SNX8: variants seen among roughly 807,000 people sequenced by gnomAD.
SNX8 encodes the protein sorting nexin 8, also known as sorting nexin-8.
In SNX8, 25 loss-of-function variants were observed where a neutral mutation model predicts 51.6. The ratio of observed to expected loss-of-function variants is 0.48; its 90% CI spans 0.35 to 0.68. SNX8 has a LOEUF of 0.68. Ranked by LOEUF, SNX8 falls within the 30% of genes least tolerant of loss-of-function variation. SNX8 has a pLI of 0.00. For synonymous variants in SNX8, 324 were observed against 277.0 expected (o/e 1.17, Z -1.68); for missense variants, 695 against 624.0 (o/e 1.11, Z -1.21).
Position 2,254,190 on chromosome 7 carries a change from A to C in SNX8, c.*866T>G, listed in dbSNP as rs1289560087. The C allele has an allele frequency of 6.6e-6, 1 of 152,292 alleles. No individual in the cohort carries two copies. Among genetic ancestry groups the C allele is most frequent in the Non-Finnish European group, 1.5e-5 (1 of 68,128 alleles). The allele number at this position is 152,292 out of a possible 1,614,324, so 9.4% of individuals were successfully genotyped here. Reference sequence around the variant, plus strand: ...GCCTCAGAGAAGGAAATCCACTTAAAAGGGGGCTGTCCCTCCTCTAAAGCC... The same window carrying C: ...GCCTCAGAGAAGGAAATCCACTTAACAGGGGGCTGTCCCTCCTCTAAAGCC... On this transcript the variant is annotated 3_prime_UTR_variant, in exon 11 of 11. Transcript: ENST00000222990.
intron 10 of SNX8, among the ~76,000 whole-genome samples, 184 bp from the exon 11 acceptor site, chr7:2,255,353 G>T (rs1432354706): frequency 1.3e-5 from 2 of 152,188 alleles, no homozygotes; most frequent in Admixed American, 1.3e-4. Context: ...ATGAGGAGTG[G>T]ACCAGCGACA....
chr7:2,301,462 G>A (rs545695157), intron 1 of SNX8, among the ~76,000 whole-genome samples: 61 of 152,318 alleles, frequency 4.0e-4, no homozygotes, highest in Admixed American at 1.9e-3. Context: ...GCAGCAGCAC[G>A]CACAGCAGCA....
rs1452374431 is a variant in SNX8, at chr7:2,275,126, T to C, written c.404A>G (p.Lys135Arg). 3 of 1,612,358 alleles carry C rather than the reference T, an allele frequency of 1.9e-6. No individual in the cohort carries two copies. The Admixed American group carries it at 5.0e-5, about 27-fold the overall frequency. The change falls in exon 3 of 11, where the codon AAG (lysine) becomes AGG (arginine). Residue 135 changes from lysine to arginine, a missense_variant. Physicochemically the swap from Lys to Arg is conservative, Grantham distance 26. Transcript: ENST00000222990. ...CCTGGCTTTACCTCCCAGCATTCTC[T>C]TGGGTGGCAGGGCAGGCACCATACG... ...PYRMVPALPP[K>R]RMLGADREFI...
chr7:2,302,190 T>G (rs1796410750), intron 1 of SNX8, among the ~76,000 whole-genome samples: 1 of 152,236 alleles, frequency 6.6e-6, no homozygotes, highest in Non-Finnish European at 1.5e-5. Flanking sequence ...CTCGGCTCAC[T>G]GCAACCTCCC....
At chr7:2,281,100 C>CATATT (rs1316088227) in intron 1 of SNX8, among the ~76,000 whole-genome samples, 5 of 151,844 alleles carry the variant, frequency 3.3e-5, no homozygotes, top group African/African-American at 4.8e-5. Context: ...GCCAGATGCC[C>CATATT]ATATTTGCAA....
In SNX8 at chr7:2,349,314, G is replaced by A. The variant is rs892019847; in HGVS notation, c.-66+4908C>T. On this transcript the variant is annotated intron_variant, in intron 1 of 5. Coordinates refer to the SNX8 transcript ENST00000435336. ...AAAGCATATGGTATATTGGCATAAA[G>A]CATGTTCACACTGACGCAGCCATCA... Among the ~76,000 whole-genome samples, 19 of 152,046 alleles carry A rather than the reference G, an allele frequency of 1.2e-4. No individual in the cohort carries two copies. In the East Asian group the frequency reaches 3.5e-3, roughly 28 times the overall value.
At chr7:2,326,626 A>C (rs1778627103) in intron 1 of SNX8, among the ~76,000 whole-genome samples, 1 of 152,088 alleles carries the variant, frequency 6.6e-6, no homozygotes, top group Non-Finnish European at 1.5e-5. Flanking sequence ...AGATCACGCC[A>C]CTGCACTCCA....
intron 1 of SNX8, among the ~76,000 whole-genome samples, chr7:2,325,480 T>C (rs1377425167): frequency 6.6e-6 from 1 of 152,088 alleles, no homozygotes; most frequent in African/African-American, 2.4e-5. Flanking sequence ...ACAAACAGAC[T>C]CTTGGTAACA....
chr7:2,327,430 C>G (rs1451146010), intron 1 of SNX8, among the ~76,000 whole-genome samples: 1 of 149,708 alleles, frequency 6.7e-6, no homozygotes, highest in Admixed American at 6.7e-5. Flanking sequence ...TTTTTGGAAA[C>G]GGAGTCTCGC....
At chr7:2,309,377 T>C (rs1584729632) in intron 1 of SNX8, among the ~76,000 whole-genome samples, 2 of 152,246 alleles carry the variant, frequency 1.3e-5, no homozygotes, top group South Asian at 2.1e-4. Context: ...AATACAAAAA[T>C]TAGCCAGGTG....
At chr7:2,325,787 G>T (rs368870824) in intron 1 of SNX8, among the ~76,000 whole-genome samples, 1 of 151,906 alleles carries the variant, frequency 6.6e-6, no homozygotes, top group East Asian at 1.9e-4. Context: ...AGCCAAGATC[G>T]TGCCACTGCA....
At position 2,284,344 on chromosome 7, in the gene SNX8, C is replaced by T. The variant is rs115513963; in HGVS notation, c.95-6039G>A. 3.6e-3 allele frequency among the ~76,000 whole-genome samples: 541 copies of T among 151,908 alleles called. 5 individuals are homozygous for T. Among genetic ancestry groups the T allele is most frequent in the African/African-American group, 0.012 (509 of 41,432 alleles). ...GGAATTCGATCCCTTGTCCTGACCC[C>T]GCCCCCGAAGTAGAATGGAAATCAG... is the stretch of plus-strand genomic sequence containing the variant. On this transcript the variant is annotated intron_variant, in intron 1 of 10. Coordinates refer to ENST00000222990, the MANE Select transcript of SNX8 (RefSeq NM_013321.4).
In SNX8 at chr7:2,329,551, C is replaced by T. The variant is rs551674468; in HGVS notation, c.-66+24671G>A. ...GGGCAGCCTCTGACCTTCTCCTGGT[C>T]TCCTTTTGCCTGCCCCAGGGCAGGA... On this transcript the variant is annotated intron_variant, in intron 1 of 5. Coordinates refer to the SNX8 transcript ENST00000435336. 1.6e-4 allele frequency among the ~76,000 whole-genome samples: 25 copies of T among 152,264 alleles called. No homozygotes were observed. In the East Asian group the frequency reaches 2.9e-3, roughly 18 times the overall value.
chr7:2,306,477 T>C (rs1390167434), intron 1 of SNX8, among the ~76,000 whole-genome samples: 1 of 152,152 alleles, frequency 6.6e-6, no homozygotes, highest in East Asian at 1.9e-4. Context: ...GGCAAGAATA[T>C]CTCTAACTGA....
chr7:2,302,475 G>C (rs572043557), intron 1 of SNX8, among the ~76,000 whole-genome samples: 79 of 152,348 alleles, frequency 5.2e-4, no homozygotes, highest in African/African-American at 1.8e-3. Context: ...CCAGCCGCCT[G>C]CCTTGGCCTC....
intron 7 of SNX8, among the ~76,000 whole-genome samples, chr7:2,259,990 AC>A (rs1313410625): frequency 6.6e-6 from 1 of 152,216 alleles, no homozygotes; most frequent in African/African-American, 2.4e-5. Flanking sequence ...ACTAAAAAAA[AC>A]AAAAAAGGAA....
intron 10 of SNX8, among the ~76,000 whole-genome samples, chr7:2,256,468 G>A (rs1202732788): frequency 6.6e-6 from 1 of 152,264 alleles, no homozygotes; most frequent in African/African-American, 2.4e-5. Context: ...CTTCTCCCAG[G>A]CTGAAGGAAC....
In SNX8 at chr7:2,264,396, G is replaced by C. The variant is rs1421218168; in HGVS notation, c.684C>G (p.Ile228Met). 5.0e-6 allele frequency: 8 copies of C among 1,612,684 alleles called. No individual in the cohort carries two copies. The Admixed American group carries it at 1.2e-4, about 24-fold the overall frequency. ...CGCGAAGCTTGTGAAAGCTATTGTA[G>C]ATGTTCCGGATCAGCTCCCGGCTGA... ...FAISRELIRN[I>M]YNSFHKLRDR... Residue 228 changes from isoleucine to methionine, a missense_variant, in exon 6 of 11, where the codon ATC (isoleucine) becomes ATG (methionine). Coordinates refer to ENST00000222990, the MANE Select transcript of SNX8 (RefSeq NM_013321.4).
chr7:2,271,420 G>C (rs974462128), intron 4 of SNX8, among the ~76,000 whole-genome samples: 4 of 152,230 alleles, frequency 2.6e-5, no homozygotes, highest in Non-Finnish European at 5.9e-5. Context: ...CTCTGACGGA[G>C]TGCATGTACA....
Sources: allele counts gnomAD v4.1 joint callset (sites outside exome capture counted in the v4.1 genomes callset), GRCh38; gene constraint gnomAD v4.1.1; transcripts MANE v1.5; gene names NCBI Gene and HGNC (gene_info 2026-07-23, HGNC 2026-07-21).